RANBP2: variants seen among roughly 807,000 people sequenced by gnomAD.
RANBP2 encodes the protein E3 SUMO-protein ligase RanBP2.
In RANBP2, 57 loss-of-function variants were observed where a neutral mutation model predicts 303.6. The observed-to-expected ratio is 0.19, with a 90% CI of 0.15 to 0.23. The LOEUF (loss-of-function observed/expected upper bound fraction) is 0.23, where lower values mean the gene tolerates loss of function less well. Ranked by LOEUF, RANBP2 falls within the 10% of genes least tolerant of loss-of-function variation. RANBP2 has a pLI of 1.00. For missense variants in RANBP2, 3,138 were observed against 3,780.8 expected (o/e 0.83, Z 4.46); for synonymous variants, 1,167 against 1,301.5 (o/e 0.90, Z 2.23).
the RANBP2 span, among the ~76,000 whole-genome samples, chr2:109,086,853 A>G: frequency 6.6e-6 from 1 of 152,200 alleles, no homozygotes; most frequent in Admixed American, 6.5e-5. Flanking sequence ...CCCCAAGCCC[A>G]CATCATCTTT....
the RANBP2 span, among the ~76,000 whole-genome samples, chr2:108,799,649 T>G: frequency 5.9e-5 from 9 of 152,238 alleles, no homozygotes; most frequent in African/African-American, 1.7e-4. Flanking sequence ...TAACTGAGCT[T>G]CTTCAATTTG....
the RANBP2 span, chr2:109,503,258 T>G: frequency 2.6e-5 from 4 of 152,194 alleles, no homozygotes; most frequent in Non-Finnish European, 5.9e-5. Flanking sequence ...CTGAAGAAAC[T>G]AGCCTTTGGT....
chr2:109,078,286 A>G, the RANBP2 span, among the ~76,000 whole-genome samples: 6 of 125,472 alleles, frequency 4.8e-5, no homozygotes, highest in Non-Finnish European at 8.5e-5. Context: ...ATATATATAT[A>G]TATATATATA....
chr2:109,161,395 C>T, the RANBP2 span, among the ~76,000 whole-genome samples: 2 of 151,964 alleles, frequency 1.3e-5, no homozygotes, highest in East Asian at 1.9e-4. Context: ...GCCTCCTGAG[C>T]CTTCGTTTCC....
the RANBP2 span, chr2:109,437,257 G>A: frequency 7.0e-7 from 1 of 1,425,964 alleles, no homozygotes; most frequent in Non-Finnish European, 9.3e-7. Context: ...GTGGCTGGTG[G>A]CAGCTTCATG....
the RANBP2 span, among the ~76,000 whole-genome samples, chr2:109,384,701 T>C: frequency 6.6e-6 from 1 of 152,176 alleles, no homozygotes; most frequent in Non-Finnish European, 1.5e-5. Flanking sequence ...ACCCCCGCTT[T>C]GCTGAGGTGA....
At chr2:109,129,088 G>GACCTGCTGGAGTGCTCCGTGTGT in the RANBP2 span, 1 of 373,730 alleles carries the variant, frequency 2.7e-6, no homozygotes, top group Non-Finnish European at 5.2e-6. Flanking sequence ...GGGCGGTGCG[G>GACCTGCTGGAGTGCTCCGTGTGT]CTCGCCAGCT....
At chr2:109,541,882 A>G in the RANBP2 span, among the ~76,000 whole-genome samples, 1 of 152,196 alleles carries the variant, frequency 6.6e-6, no homozygotes, top group Non-Finnish European at 1.5e-5. Context: ...GACCTGAGTC[A>G]TGTGTGTGTC....
Position 108,775,869 on chromosome 2 carries a change from T to G in RANBP2, c.8430T>G (p.Ser2810=). 6.2e-7 allele frequency: 1 copy of G among 1,613,404 alleles called. No homozygotes were observed. Among genetic ancestry groups the G allele is most frequent in the Non-Finnish European group, 8.5e-7 (1 of 1,179,914 alleles). The part of the protein sequence containing the change: ...TKSISSPSVS[S]ETMDKPVDLS... ...CCATTAGTTCACCATCTGTTTCCTC[T>G]GAAACTATGGACAAACCTGTAGATT... is the stretch of plus-strand genomic sequence containing the variant. Residue 2810 remains serine (S), a synonymous_variant, in exon 24 of 29, where the codon TCT becomes TCG. Coordinates refer to ENST00000283195, the MANE Select transcript of RANBP2 (RefSeq NM_006267.5).
chr2:109,645,812 G>A, the RANBP2 span, among the ~76,000 whole-genome samples: 36 of 152,266 alleles, frequency 2.4e-4, no homozygotes, highest in African/African-American at 6.3e-4. Context: ...GTCTATACCC[G>A]GTAAGTCCAG....
the RANBP2 span, among the ~76,000 whole-genome samples, chr2:109,526,604 G>T: frequency 2.0e-5 from 3 of 152,134 alleles, no homozygotes; most frequent in Non-Finnish European, 4.4e-5. Context: ...GAGCCACCAC[G>T]CCCGGCTCAC....
the RANBP2 span, among the ~76,000 whole-genome samples, chr2:109,090,900 A>G: frequency 5.9e-4 from 89 of 151,996 alleles, no homozygotes; most frequent in South Asian, 2.5e-3. Flanking sequence ...TTTTCATACA[A>G]TTTTCCCACA....
the RANBP2 span, among the ~76,000 whole-genome samples, chr2:109,138,949 C>G: frequency 2.6e-5 from 4 of 152,186 alleles, no homozygotes; most frequent in Non-Finnish European, 5.9e-5. Context: ...AAACAAATAG[C>G]CAATAGGTAT....
At chr2:109,357,082 A>G in the RANBP2 span, among the ~76,000 whole-genome samples, 4 of 150,900 alleles carry the variant, frequency 2.7e-5, no homozygotes, top group African/African-American at 7.3e-5. Flanking sequence ...TATGTTATAT[A>G]TAATATATAT....
chr2:109,171,351 T>C, the RANBP2 span, among the ~76,000 whole-genome samples: 36 of 152,322 alleles, frequency 2.4e-4, no homozygotes, highest in African/African-American at 7.0e-4. Flanking sequence ...GTTTTTGTCA[T>C]CTCTATACAA....
At chr2:108,789,125 TATTA>T (rs1257812741), downstream of RANBP2, among the ~76,000 whole-genome samples, 1 of 152,248 alleles carries the variant, frequency 6.6e-6, no homozygotes, top group Non-Finnish European at 1.5e-5. Context: ...GCGAGTCACT[TATTA>T]ATTTTTACTG....
At chr2:109,652,324 G>A in the RANBP2 span, among the ~76,000 whole-genome samples, 2 of 151,568 alleles carry the variant, frequency 1.3e-5, no homozygotes, top group Non-Finnish European at 2.9e-5. Context: ...CCAGGTTCAC[G>A]CCATTCTCCT....
the RANBP2 span, chr2:109,737,595 G>A: frequency 2.5e-5 from 9 of 363,410 alleles, no homozygotes; most frequent in Non-Finnish European, 4.4e-5. Flanking sequence ...TATATCCAGT[G>A]ATGGGATTGC....
the RANBP2 span, among the ~76,000 whole-genome samples, chr2:109,683,521 A>C: frequency 6.6e-6 from 1 of 152,182 alleles, no homozygotes; most frequent in Non-Finnish European, 1.5e-5. Context: ...AGGAGGCCAG[A>C]CACAGAGTAA....
Sources: gnomAD v4.1 joint callset for allele counts (sites outside exome capture counted in the v4.1 genomes callset) on GRCh38, gnomAD v4.1.1 for gene constraint, MANE v1.5 for transcripts, NCBI Gene and HGNC (gene_info 2026-07-23, HGNC 2026-07-21) for gene names.